The following METTL15 variants were observed in gnomAD, a reference collection of about 807,000 sequenced individuals.
METTL15 encodes methyltransferase 15, mitochondrial 12S rRNA N4-cytidine, also known as 12S rRNA N(4)-cytidine methyltransferase METTL15.
In METTL15, 34 loss-of-function variants were observed where a neutral mutation model predicts 38.3. The ratio of observed to expected loss-of-function variants is 0.89; its 90% CI spans 0.68 to 1.18. METTL15 has a LOEUF of 1.18. METTL15 is among the 50% of genes most tolerant of loss of function. The pLI, the probability that METTL15 is intolerant of heterozygous loss-of-function variation, is 0.00. For missense variants in METTL15, 438 were observed against 498.4 expected (o/e 0.88, Z 1.15); for synonymous variants, 162 against 170.9 (o/e 0.95, Z 0.41).
At chr11:28,274,673 A>G (rs1262336107) in intron 4 of METTL15, among the ~76,000 whole-genome samples, 4 of 151,988 alleles carry the variant, frequency 2.6e-5, no homozygotes, top group Admixed American at 6.5e-5. Flanking sequence ...TTTGAATAGC[A>G]CTGCTGACTT....
chr11:28,264,534 A>G (rs1165439411), intron 4 of METTL15, among the ~76,000 whole-genome samples: 1 of 152,140 alleles, frequency 6.6e-6, no homozygotes, highest in Non-Finnish European at 1.5e-5. Context: ...TCACCTGATT[A>G]TCAATCAATT....
chr11:28,223,049 T>G (rs934569529), intron 4 of METTL15, among the ~76,000 whole-genome samples: 1 of 152,158 alleles, frequency 6.6e-6, no homozygotes, highest in African/African-American at 2.4e-5. Context: ...GATACTTTCA[T>G]CTATTTTGGG....
chr11:28,237,296 T>C (rs948096374), intron 4 of METTL15, among the ~76,000 whole-genome samples: 25 of 152,118 alleles, frequency 1.6e-4, no homozygotes, highest in Non-Finnish European at 2.5e-4. Context: ...AGGCTTTGTT[T>C]GTTTCTTTTT....
In METTL15 at chr11:28,493,319, C is replaced by T. The variant is rs529860400; in HGVS notation, c.*425-33159C>T. Among the ~76,000 whole-genome samples, 48 of 152,224 alleles carry T rather than the reference C, an allele frequency of 3.2e-4. 1 individual carries two copies. The highest frequency in any genetic ancestry group is 2.5e-3 in the South Asian group (12 of 4,818). On this transcript the variant is annotated intron_variant and NMD_transcript_variant, in intron 6 of 7. Coordinates refer to the METTL15 transcript ENST00000532947. ...CTTAGTTCATCATATGGCCTCTGTT[C>T]TGTCATGTCTCATCTGAACTGTTGG...
chr11:28,120,940 C>CAT (rs1400848742), intron 3 of METTL15, among the ~76,000 whole-genome samples: 2 of 152,000 alleles, frequency 1.3e-5, no homozygotes, highest in African/African-American at 4.8e-5. Context: ...CATGAGCTGT[C>CAT]TCAACACAGG....
chr11:28,285,830 A>G (rs1856239110), intron 4 of METTL15, among the ~76,000 whole-genome samples: 1 of 152,040 alleles, frequency 6.6e-6, no homozygotes, highest in South Asian at 2.1e-4. Context: ...AGCTCGATGG[A>G]AAAAAGAAGA....
intron 5 of METTL15, chr11:28,410,824 G>A (rs1271512629): frequency 6.6e-6 from 1 of 151,962 alleles, no homozygotes; most frequent in Non-Finnish European, 1.5e-5. Context: ...AAAAGCAGAA[G>A]TAAAATTGTC....
intron 3 of METTL15, among the ~76,000 whole-genome samples, chr11:28,174,900 A>T (rs73436555): frequency 0.15 from 22,158 of 149,876 alleles, 1,818 homozygotes; most frequent in East Asian, 0.28. Flanking sequence ...TGTATTGAAG[A>T]TTTTCTTTGG....
chr11:28,415,870 C>G (rs1850768175), intron 5 of METTL15, among the ~76,000 whole-genome samples: 1 of 152,100 alleles, frequency 6.6e-6, no homozygotes, highest in African/African-American at 2.4e-5. Flanking sequence ...TTATAGGATA[C>G]AAGGTAGCTT....
At chr11:28,365,815 G>A (rs1291257552) in intron 5 of METTL15, among the ~76,000 whole-genome samples, 1 of 152,162 alleles carries the variant, frequency 6.6e-6, no homozygotes, top group African/African-American at 2.4e-5. Flanking sequence ...ACTTTGGGAG[G>A]CTGAGGCGGG....
chr11:28,233,535 T>C (rs1853784021), intron 4 of METTL15, among the ~76,000 whole-genome samples: 1 of 152,052 alleles, frequency 6.6e-6, no homozygotes, highest in African/African-American at 2.4e-5. Context: ...CTCTTAACTC[T>C]CTATTGTTGG....
chr11:28,379,025 T>G (rs1431977631), intron 5 of METTL15, among the ~76,000 whole-genome samples: 1 of 152,052 alleles, frequency 6.6e-6, no homozygotes, highest in Non-Finnish European at 1.5e-5. Context: ...TTCATAATAG[T>G]CTCTAATGAT....
downstream of METTL15, among the ~76,000 whole-genome samples, chr11:28,337,404 C>G (rs1320197884): frequency 6.6e-6 from 1 of 151,956 alleles, no homozygotes; most frequent in African/African-American, 2.4e-5. Flanking sequence ...TGGACTGAGA[C>G]ATGCATGTAA....
chr11:28,386,946 A>G (rs1230327361), intron 5 of METTL15, among the ~76,000 whole-genome samples: 3 of 152,008 alleles, frequency 2.0e-5, no homozygotes, highest in Non-Finnish European at 4.4e-5. Context: ...TAAGAACACT[A>G]TTGAAGAATC....
chr11:28,401,437 A>T (rs1229458282), intron 5 of METTL15, among the ~76,000 whole-genome samples: 1 of 151,878 alleles, frequency 6.6e-6, no homozygotes, highest in Non-Finnish European at 1.5e-5. Context: ...CTTCTCTCAT[A>T]TGTGTGTGAT....
At chr11:28,297,635 G>T (rs1351911351) in intron 6 of METTL15, among the ~76,000 whole-genome samples, 1 of 152,132 alleles carries the variant, frequency 6.6e-6, no homozygotes, top group African/African-American at 2.4e-5. Context: ...TTGTTTCACA[G>T]CTGTGTTCCG....
chr11:28,341,303 CTT>C (rs1849950663), intron 3 of METTL15, among the ~76,000 whole-genome samples: 1 of 152,082 alleles, frequency 6.6e-6, no homozygotes, highest in South Asian at 2.1e-4. Context: ...TATCTCAAAA[CTT>C]AAAGTATAAT....
At chr11:28,247,817 A>G (rs1047178322) in intron 4 of METTL15, among the ~76,000 whole-genome samples, 3 of 152,090 alleles carry the variant, frequency 2.0e-5, no homozygotes, top group Non-Finnish European at 2.9e-5. Context: ...TTTATTTTCA[A>G]ATCATTTACT....
chr11:28,233,980 G>C (rs564243098), intron 4 of METTL15, among the ~76,000 whole-genome samples: 2 of 115,490 alleles, frequency 1.7e-5, no homozygotes, highest in Non-Finnish European at 3.3e-5. Flanking sequence ...ACAGTCCCCA[G>C]AGTGTGATGT....
Sources: allele counts gnomAD v4.1 joint callset (sites outside exome capture counted in the v4.1 genomes callset), GRCh38; gene constraint gnomAD v4.1.1; transcripts MANE v1.5; gene names NCBI Gene and HGNC (gene_info 2026-07-23, HGNC 2026-07-21).